Variants in PDE7B observed in about 807,000 individuals in gnomAD.
PDE7B encodes the protein phosphodiesterase 7B.
PDE7B carries 29 observed loss-of-function variants against 56.2 expected under a neutral mutation model. That is an observed-to-expected ratio of 0.52 (90% CI 0.38 to 0.70). The LOEUF (loss-of-function observed/expected upper bound fraction) is 0.70. Among genes scored for constraint, PDE7B ranks in the 30% least tolerant of loss-of-function variants. The probability of loss-of-function intolerance (pLI) is 0.00; values close to 1 mark genes in which losing one functional copy is unlikely to be tolerated. For synonymous variants in PDE7B, 197 were observed against 196.9 expected, an observed-to-expected ratio of 1.00 and a Z score of 0.00; for missense variants, 490 against 565.0, an observed-to-expected ratio of 0.87 and a Z score of 1.35.
chr6:135,897,008 G>A (rs1485930853), intron 1 of PDE7B, among the ~76,000 whole-genome samples: 1 of 152,136 alleles, frequency 6.6e-6, no homozygotes, highest in Non-Finnish European at 1.5e-5. Flanking sequence ...CCTCAAGAAA[G>A]ACTCTCTGAT....
At chr6:136,031,381 G>A (rs961003623) in intron 2 of PDE7B, among the ~76,000 whole-genome samples, 4 of 152,176 alleles carry the variant, frequency 2.6e-5, no homozygotes, top group Admixed American at 2.6e-4. Context: ...TAATATTTGA[G>A]AAGCCTTGAT....
At chr6:135,959,488 G>T (rs1053272171) in intron 2 of PDE7B, among the ~76,000 whole-genome samples, 4 of 152,034 alleles carry the variant, frequency 2.6e-5, no homozygotes, top group Admixed American at 1.3e-4. Flanking sequence ...CATTTTCCTT[G>T]TTTCTGAGGA....
intron 2 of PDE7B, among the ~76,000 whole-genome samples, chr6:136,102,138 G>C (rs1448277516): frequency 6.6e-6 from 1 of 152,122 alleles, no homozygotes; most frequent in Non-Finnish European, 1.5e-5. Flanking sequence ...CAGGACAGTG[G>C]GGATGATACA....
In PDE7B at chr6:135,928,429, T is replaced by TTATATA. The variant is rs755915341; in HGVS notation, c.22-19021_22-19016dup. ...GGCAGACTGAATAAAGAAAATGTGATTATATATATATATATATATTTATTT... is the reference window on the plus strand; with the variant it reads ...GGCAGACTGAATAAAGAAAATGTGATTATATATATATATATATATATATATTTATTT... On this transcript the variant is annotated intron_variant, in intron 1 of 12. Coordinates refer to ENST00000308191, the MANE Select transcript of PDE7B (RefSeq NM_018945.4). Among the ~76,000 whole-genome samples the TTATATA allele has an allele frequency of 2.7e-4, 28 of 103,076 alleles. No individual in the cohort carries two copies. In the South Asian group the frequency reaches 7.9e-3, roughly 29 times the overall value. 67.6% of individuals were successfully genotyped at this position (103,076 alleles called of 152,430 possible).
chr6:136,190,333 C>T lies in PDE7B; in HGVS notation c.1127-1281C>T, dbSNP rs184385863. ...TACTATGATCTCACAATCTTTAAAT[C>T]ATATTTCACATAAGATGAGACAATG... is the stretch of plus-strand genomic sequence containing the variant. On this transcript the variant is annotated intron_variant, in intron 12 of 12. Coordinates refer to ENST00000308191, the MANE Select transcript of PDE7B (RefSeq NM_018945.4). Among the ~76,000 whole-genome samples, 267 of 152,302 alleles carry T rather than the reference C, an allele frequency of 1.8e-3. 2 individuals are homozygous for T. The highest frequency in any genetic ancestry group is 6.2e-3 in the African/African-American group (258 of 41,558).
At chr6:136,055,272 G>A (rs1486485477) in intron 2 of PDE7B, among the ~76,000 whole-genome samples, 1 of 152,194 alleles carries the variant, frequency 6.6e-6, no homozygotes, top group Non-Finnish European at 1.5e-5. Context: ...GGAGTGAGAA[G>A]GGCAGGGAGA....
intron 1 of PDE7B, among the ~76,000 whole-genome samples, chr6:135,893,403 A>AT (rs891387539): frequency 6.6e-6 from 1 of 151,890 alleles, no homozygotes. Context: ...TGAACTCATC[A>AT]TTTTTTATGG....
intron 1 of PDE7B, among the ~76,000 whole-genome samples, chr6:135,865,914 G>A (rs971834116): frequency 3.3e-5 from 5 of 151,892 alleles, no homozygotes; most frequent in African/African-American, 1.2e-4. Flanking sequence ...GGGTAGTGAG[G>A]AGTAGTGAAT....
chr6:135,927,851 C>G (rs1245142174), intron 1 of PDE7B, among the ~76,000 whole-genome samples: 1 of 152,060 alleles, frequency 6.6e-6, no homozygotes, highest in African/African-American at 2.4e-5. Context: ...AGTAAACTAA[C>G]AACCTACAAA....
At chr6:136,023,478 C>T (rs2128208320) in intron 2 of PDE7B, among the ~76,000 whole-genome samples, 1 of 152,280 alleles carries the variant, frequency 6.6e-6, no homozygotes, top group South Asian at 2.1e-4. Flanking sequence ...TCCCATATCA[C>T]ATTAACTGTA....
intron 1 of PDE7B, among the ~76,000 whole-genome samples, chr6:135,875,336 G>A (rs1224491273): frequency 1.3e-5 from 2 of 151,096 alleles, no homozygotes; most frequent in South Asian, 2.1e-4. Context: ...TCTCTTATTG[G>A]TTTAGAGATT....
At chr6:136,122,213 T>C (rs1777948475) in intron 3 of PDE7B, among the ~76,000 whole-genome samples, 1 of 152,106 alleles carries the variant, frequency 6.6e-6, no homozygotes, top group South Asian at 2.1e-4. Context: ...GCCAGGATGG[T>C]CTGGATCTCC....
Position 136,108,775 on chromosome 6 carries a change from C to T in PDE7B, c.127C>T (p.Arg43Cys), listed in dbSNP as rs367675238. ...TCAGACGGGGGTTCGTGCTGAACGCCGTGGCTCCTACCCATTCATTGACTT... is the reference window on the plus strand; with the variant it reads ...TCAGACGGGGGTTCGTGCTGAACGCTGTGGCTCCTACCCATTCATTGACTT... ...RGQTGVRAER[R>C]GSYPFIDFRL... The change falls in exon 3 of 13, where the codon CGT (arginine) becomes TGT (cysteine). Residue 43 changes from arginine to cysteine, a missense_variant. Coordinates refer to ENST00000308191, the MANE Select transcript of PDE7B (RefSeq NM_018945.4). 4.0e-5 allele frequency: 64 copies of T among 1,611,488 alleles called. No homozygotes were observed. In the Middle Eastern group the frequency reaches 4.9e-4, roughly 12 times the overall value.
At chr6:135,860,330 T>C (rs1307379229) in intron 1 of PDE7B, among the ~76,000 whole-genome samples, 1 of 152,060 alleles carries the variant, frequency 6.6e-6, no homozygotes, top group Non-Finnish European at 1.5e-5. Flanking sequence ...GAAACATTTT[T>C]AAAATACACA....
intron 2 of PDE7B, among the ~76,000 whole-genome samples, chr6:136,022,186 A>G (rs1776084418): frequency 6.6e-6 from 1 of 152,206 alleles, no homozygotes; most frequent in African/African-American, 2.4e-5. Flanking sequence ...TGACCATACA[A>G]TTAAATTAGT....
intron 2 of PDE7B, among the ~76,000 whole-genome samples, chr6:136,090,203 C>T (rs930503470): frequency 6.6e-6 from 1 of 152,098 alleles, no homozygotes; most frequent in Non-Finnish European, 1.5e-5. Flanking sequence ...GGTTCCTTCA[C>T]GTGGCTATGA....
At chr6:135,959,160 TC>T (rs1404066715) in intron 2 of PDE7B, among the ~76,000 whole-genome samples, 1 of 152,124 alleles carries the variant, frequency 6.6e-6, no homozygotes, top group African/African-American at 2.4e-5. Context: ...ATTGAAGACA[TC>T]ATTCTAAACA....
intron 2 of PDE7B, among the ~76,000 whole-genome samples, chr6:136,102,849 A>C (rs1354691978): frequency 4.6e-5 from 7 of 152,194 alleles, no homozygotes; most frequent in African/African-American, 1.7e-4. Flanking sequence ...TCAGCATTCA[A>C]GTTCCAAAAT....
intron 1 of PDE7B, among the ~76,000 whole-genome samples, chr6:135,927,821 G>A (rs1465977496): frequency 6.6e-6 from 1 of 152,088 alleles, no homozygotes; most frequent in African/African-American, 2.4e-5. Flanking sequence ...TTTTTGCACA[G>A]CAAAATAAAC....
Sources: gnomAD v4.1 joint callset for allele counts (sites outside exome capture counted in the v4.1 genomes callset) on GRCh38, gnomAD v4.1.1 for gene constraint, MANE v1.5 for transcripts, NCBI Gene and HGNC (gene_info 2026-07-23, HGNC 2026-07-21) for gene names.